The following ASB2 variants were observed in gnomAD, a reference collection of about 807,000 sequenced individuals.
The protein encoded by ASB2 is ankyrin repeat and SOCS box protein 2.
Under a neutral mutation model 62.4 loss-of-function variants are expected in ASB2, and 58 were observed. The ratio of observed to expected loss-of-function variants is 0.93; its 90% confidence interval spans 0.75 to 1.16. The LOEUF (loss-of-function observed/expected upper bound fraction) is 1.16, where lower values mean the gene tolerates loss of function less well. Among genes scored for constraint, ASB2 ranks in the 50% most tolerant of loss-of-function variants. The pLI, the probability that ASB2 is intolerant of heterozygous loss-of-function variation, is 0.00. For missense variants in ASB2, 928 were observed against 887.9 expected, an observed-to-expected ratio of 1.05 and a Z score of -0.57; for synonymous variants, 386 against 385.3, an observed-to-expected ratio of 1.00 and a Z score of -0.02.
chr14:93,961,319 G>A (rs1387300537), intron 2 of ASB2, among the ~76,000 whole-genome samples: 1 of 152,228 alleles, frequency 6.6e-6, no homozygotes, highest in African/African-American at 2.4e-5. Flanking sequence ...AAGTGTAGAG[G>A]AAGAATTTGA....
intron 3 of ASB2, among the ~76,000 whole-genome samples, chr14:93,955,956 G>T (rs1347395541): frequency 2.6e-5 from 4 of 152,288 alleles, no homozygotes; most frequent in Middle Eastern, 6.8e-3. Flanking sequence ...TTTCCAGATT[G>T]TCAACCACTC....
At chr14:93,947,995 G>GACAAA (rs1555428549) in intron 6 of ASB2, among the ~76,000 whole-genome samples, 1 of 72,492 alleles carries the variant, frequency 1.4e-5, no homozygotes, top group Admixed American at 1.8e-4. Context: ...ACTCCGCCTG[G>GACAAA]AAAAAAAAAA....
intron 9 of ASB2, among the ~76,000 whole-genome samples, chr14:93,935,340 G>C (rs1888233734): frequency 2.0e-5 from 3 of 152,242 alleles, no homozygotes; most frequent in Non-Finnish European, 4.4e-5. Context: ...GGAGTTTTCT[G>C]AGCTGGGGAG....
intron 2 of ASB2, among the ~76,000 whole-genome samples, chr14:93,962,214 A>C (rs1203898089): frequency 7.8e-6 from 1 of 127,600 alleles, no homozygotes; most frequent in Non-Finnish European, 1.6e-5. Context: ...TCCCGGGTTC[A>C]CACCATTCTC....
intron 7 of ASB2, chr14:93,942,303 C>T (rs1159057951): frequency 6.6e-6 from 3 of 455,752 alleles, no homozygotes; most frequent in Non-Finnish European, 1.3e-5. Context: ...GAAGAATGGC[C>T]CCCTACCCCT....
At chr14:93,970,972 G>A (rs759470114) in intron 1 of ASB2, among the ~76,000 whole-genome samples, 7 of 152,178 alleles carry the variant, frequency 4.6e-5, no homozygotes, top group Admixed American at 3.9e-4. Flanking sequence ...AAGATGCTGC[G>A]ATTCTCTGCC....
chr14:93,952,343 A>G lies in ASB2; in HGVS notation c.634+1009T>C, dbSNP rs115340300. Among the ~76,000 whole-genome samples, 1,420 of 152,338 alleles carry G rather than the reference A, an allele frequency of 9.3e-3. 29 individuals are homozygous for G. The highest frequency in any genetic ancestry group is 0.033 in the African/African-American group (1,353 of 41,588). On this transcript the variant is annotated intron_variant, in intron 5 of 9. Transcript: ENST00000555019. ...ACTCCCTTTGGACAGCTGAGGTTCC[A>G]GGTGATAGCCATGGCGCCCTGGCAG...
At chr14:93,962,684 C>A (rs1889454189) in intron 2 of ASB2, among the ~76,000 whole-genome samples, 1 of 152,188 alleles carries the variant, frequency 6.6e-6, no homozygotes, top group African/African-American at 2.4e-5. Context: ...CCACTTCTTT[C>A]TAATGTGTCC....
chr14:93,962,177 G>T (rs549797289), intron 2 of ASB2, among the ~76,000 whole-genome samples: 2 of 107,900 alleles, frequency 1.9e-5, no homozygotes, highest in Non-Finnish European at 3.8e-5. Flanking sequence ...TGCAGTGGCG[G>T]GATCTCGGCT....
rs559025573 is a variant in ASB2, at chr14:93,945,639, G to T, written c.1052+1710C>A. On this transcript the variant is annotated intron_variant, in intron 7 of 9. Coordinates refer to ENST00000555019, the MANE Select transcript of ASB2 (RefSeq NM_001202429.2). ...ATTCACACCCAGATCTGTCAGCCTT[G>T]TGGACAGCTGTGCTGTCCAGAAAAG... Among the ~76,000 whole-genome samples the T allele has an allele frequency of 4.6e-5, 7 of 152,318 alleles. No individual in the cohort carries two copies. The South Asian group carries it at 1.5e-3, about 32-fold the overall frequency.
In ASB2 at chr14:93,939,684, A is replaced by C; in HGVS notation, c.1053-12T>G. On this transcript the variant is annotated splice_polypyrimidine_tract_variant and intron_variant, in intron 7 of 9. Coordinates refer to ENST00000555019, the MANE Select transcript of ASB2 (RefSeq NM_001202429.2). ...GCATCTGCACGATCCTGCCGGGTCG[A>C]GGGGCGGGCGCGGGTGAGGGGAGGG... 7.8e-7 allele frequency: 1 copy of C among 1,276,210 alleles called. No individual in the cohort carries two copies. Among genetic ancestry groups the C allele is most frequent in the Non-Finnish European group, 1.0e-6 (1 of 992,760 alleles). 79.1% of individuals were successfully genotyped at this position (1,276,210 alleles called of 1,614,324 possible). A position where few individuals can be genotyped will look rare whatever the true frequency, so the allele number is the denominator to read the frequency against.
In ASB2 at chr14:93,964,471, G is replaced by C; in HGVS notation, c.69C>G (p.Ser23Arg). The stretch of plus-strand genomic sequence containing the variant: ...GCACCAGTTCATCCTCGCTCAGGCT[G>C]CTGTACAGGCTGTACTCCTCCTGCC... ...TIGQEEYSLY[S>R]SLSEDELVQM... Residue 23 changes from serine to arginine, a missense_variant, in exon 2 of 10, where the codon AGC becomes AGG. Transcript: ENST00000555019. The C allele has an allele frequency of 1.3e-6, 2 of 1,536,096 alleles. No homozygotes were observed. Among genetic ancestry groups the C allele is most frequent in the Non-Finnish European group, 1.7e-6 (2 of 1,146,898 alleles).
At chr14:93,948,117 C>G (rs149876333) in intron 6 of ASB2, 1 of 154,040 alleles carries the variant, frequency 6.5e-6, no homozygotes, top group African/African-American at 2.4e-5. Context: ...TGCTGAACAT[C>G]GTGCTTTCCA....
At chr14:93,947,263 T>C (rs1888760012) in intron 7 of ASB2, 86 bp downstream of exon 7, 1 of 1,452,040 alleles carries the variant, frequency 6.9e-7, no homozygotes, top group African/African-American at 1.4e-5. Flanking sequence ...GGGTGGGACA[T>C]TCAGGGCAGG....
At chr14:93,941,985 A>G (rs1888543496) in intron 7 of ASB2, among the ~76,000 whole-genome samples, 1 of 152,204 alleles carries the variant, frequency 6.6e-6, no homozygotes, top group African/African-American at 2.4e-5. Context: ...GGTTGGACAG[A>G]AGGTGGGTGG....
Position 93,939,444 on chromosome 14 carries a change from G to C in ASB2, c.1281C>G (p.Thr427=). The change falls in exon 8 of 10, where the codon ACC becomes ACG. Residue 427 remains threonine (T), a synonymous_variant. Transcript: ENST00000555019. The part of the protein sequence containing the change: ...FAVVNNNVYA[T]ELLLQHGADP... The stretch of plus-strand genomic sequence containing the variant: ...CGGCGCCGTGTTGCAGCAGCAGCTC[G>C]GTGGCGTACACGTTGTTGTTGACCA... The C allele has an allele frequency of 6.2e-7, 1 of 1,612,634 alleles. No homozygotes were observed. The highest frequency in any genetic ancestry group is 2.2e-5 in the East Asian group (1 of 44,868).
At chr14:93,955,142 C>T (rs7161588) in intron 3 of ASB2, 64,753 of 456,580 alleles carry the variant, frequency 0.14, 5,294 homozygotes, top group Middle Eastern at 0.24. Flanking sequence ...ACCACGATGT[C>T]TATGCCTCTC....
Position 93,951,183 on chromosome 14 carries a change from G to A in ASB2, c.696C>T (p.Asn232=), listed in dbSNP as rs200751958. ...KILVQHNADT[N]HRCNRGWTAL... is the part of the protein sequence containing the mutation. ...CGGTCCAGCCGCGGTTGCAGCGGTG[G>A]TTGGTGTCTGCATTGTGCTGCACCA... Residue 232 remains asparagine (N), a synonymous_variant, in exon 6 of 10, where the codon AAC becomes AAT. Transcript: ENST00000555019. The A allele has an allele frequency of 3.3e-5, 53 of 1,613,746 alleles. No homozygotes were observed. The highest frequency in any genetic ancestry group is 3.2e-4 in the Admixed American group (19 of 60,030).
chr14:93,944,101 T>C (rs10134105), intron 7 of ASB2: 357,548 of 433,774 alleles, frequency 0.82, 148,492 homozygotes, highest in East Asian at 0.9. Flanking sequence ...CTTAGACACC[T>C]TGAAGCCTCA....
Sources: allele counts gnomAD v4.1 joint callset (sites outside exome capture counted in the v4.1 genomes callset), GRCh38; gene constraint gnomAD v4.1.1; transcripts MANE v1.5; gene names NCBI Gene and HGNC (gene_info 2026-07-23, HGNC 2026-07-21).